SH3TC1: variants seen among roughly 807,000 people sequenced by gnomAD.
The protein encoded by SH3TC1 is SH3 domain and tetratricopeptide repeats 1.
Under a neutral mutation model 117.3 loss-of-function variants are expected in SH3TC1, and 135 were observed. The observed-to-expected ratio is 1.15, with a 90% CI of 1.00 to 1.33. The LOEUF (loss-of-function observed/expected upper bound fraction) is 1.33. Among genes scored for constraint, SH3TC1 ranks in the 40% most tolerant of loss-of-function variants. The pLI is 0.00. For missense variants in SH3TC1, 2,092 were observed against 1,794.3 expected, an observed-to-expected ratio of 1.17 and a Z score of -3.00; for synonymous variants, 898 against 816.9, an observed-to-expected ratio of 1.10 and a Z score of -1.69.
chr4:8,237,485 A>C lies in SH3TC1; in HGVS notation c.3568A>C (p.Asn1190His). The C allele has an allele frequency of 6.3e-7, 1 of 1,583,818 alleles. No individual in the cohort carries two copies. The highest frequency in any genetic ancestry group is 8.6e-7 in the Non-Finnish European group (1 of 1,166,130). Residue 1190 changes from asparagine (N) to histidine (H), a missense_variant, in exon 17 of 18, where the codon AAC becomes CAC. Coordinates refer to ENST00000245105, the MANE Select transcript of SH3TC1 (RefSeq NM_018986.5). ...ALSITLGDRL[N>H]ERVAYHRLAA... The stretch of plus-strand genomic sequence containing the variant: ...GGCCTGCACCCCAGGGGACCGGCTG[A>C]ACGAGCGCGTGGCCTACCACCGGCT...
intron 14 of SH3TC1, among the ~76,000 whole-genome samples, chr4:8,235,190 G>A (rs2152997182): frequency 6.6e-6 from 1 of 152,342 alleles, no homozygotes; most frequent in Non-Finnish European, 1.5e-5. Flanking sequence ...TAGCCCTGGT[G>A]GCAGGATTCA....
At position 8,240,896 on chromosome 4, in the gene SH3TC1, C is replaced by G; in HGVS notation, c.3952C>G (p.Leu1318Val). The change falls in exon 18 of 18, where the codon CTG (leucine) becomes GTG (valine). Residue 1318 changes from leucine to valine, a missense_variant. Coordinates refer to ENST00000245105, the MANE Select transcript of SH3TC1 (RefSeq NM_018986.5). ...ATELNVRRVN[L>V]PPLPLCGWAP... ...AGAGCTCAACGTCCGCAGGGTCAAC[C>G]TGCCTCCTCTGCCACTCTGCGGGTG... is the stretch of plus-strand genomic sequence containing the variant. 2 of 1,612,998 alleles carry G rather than the reference C, an allele frequency of 1.2e-6. No homozygotes were observed. The highest frequency in any genetic ancestry group is 1.7e-6 in the Non-Finnish European group (2 of 1,180,006).
chr4:8,237,386 C>G (rs935288133), intron 16 of SH3TC1, 88 bp from the exon 17 acceptor site: 1 of 1,196,516 alleles, frequency 8.4e-7, no homozygotes, highest in Non-Finnish European at 1.1e-6. Flanking sequence ...GACCGCAGTG[C>G]CTGGAGGCGA....
rs562926610 is a variant in SH3TC1 at position 8,232,739 on chromosome 4, C to T, written c.3131+583C>T. 1.0e-4 allele frequency: 132 copies of T among 1,289,848 alleles called. No homozygotes were observed. In the African/African-American group the frequency reaches 1.3e-3, roughly 13 times the overall value. 79.9% of individuals were successfully genotyped at this position (1,289,848 alleles called of 1,614,324 possible). A position where few individuals can be genotyped will look rare whatever the true frequency, so the allele number is the denominator to read the frequency against. Reference sequence around the variant, plus strand: ...TGACATTGCTGCACTCACACCCCTTCGACTCACCAAGAGAGCAGGGAAGGA... The same window carrying T: ...TGACATTGCTGCACTCACACCCCTTTGACTCACCAAGAGAGCAGGGAAGGA... On this transcript the variant is annotated intron_variant, in intron 13 of 17. Coordinates refer to ENST00000245105, the MANE Select transcript of SH3TC1 (RefSeq NM_018986.5).
In SH3TC1 at chr4:8,240,917, G is replaced by A. The variant is rs753523688; in HGVS notation, c.3973G>A (p.Gly1325Arg). 5.3e-5 allele frequency: 86 copies of A among 1,612,406 alleles called. 1 individual carries two copies. The African/African-American group carries it at 5.3e-4, about 10-fold the overall frequency. The stretch of plus-strand genomic sequence containing the variant: ...CAACCTGCCTCCTCTGCCACTCTGC[G>A]GGTGGGCCCCCTGGTTGGCCCCCAG... ...RVNLPPLPLC[G>R]WAPWLAPSHP... is the part of the protein sequence containing the mutation. The change falls in exon 18 of 18, where the codon GGG becomes AGG. Residue 1325 changes from glycine to arginine, a missense_variant. Physicochemically the swap from Gly to Arg is moderately radical, Grantham distance 125. Coordinates refer to ENST00000245105, the MANE Select transcript of SH3TC1 (RefSeq NM_018986.5).
intron 13 of SH3TC1, chr4:8,232,488 G>A (rs1257295247): frequency 7.0e-7 from 1 of 1,421,552 alleles, no homozygotes; most frequent in Admixed American, 1.8e-5. Flanking sequence ...TCTGACCTCT[G>A]CCTGCCCCGA....
chr4:8,218,230 T>C, intron 7 of SH3TC1, 41 bp from the exon 8 acceptor site: 1 of 1,548,404 alleles, frequency 6.5e-7, no homozygotes, highest in Non-Finnish European at 8.9e-7. Flanking sequence ...CTGCCCCAAA[T>C]CTGAAATCCC....
In SH3TC1 at chr4:8,190,656, T is replaced by G. The variant is rs547907795; in HGVS notation, c.-57+8446T>G. Among the ~76,000 whole-genome samples, 1 of 151,936 alleles carries G rather than the reference T, an allele frequency of 6.6e-6. No individual in the cohort carries two copies. The highest frequency in any genetic ancestry group is 2.1e-4 in the South Asian group (1 of 4,806). On this transcript the variant is annotated intron_variant, in intron 1 of 16. Transcript: ENST00000508641. The surrounding 1 kb of genome is among the most constrained non-coding windows in gnomAD (Gnocchi z 4.7). ...CCTCTTCTGGCTCTGTGATCTTTTT[T>G]TGGAGACAGAGCCTGGCTCTGTCGC... is the stretch of plus-strand genomic sequence containing the variant.
rs1717381525 is a variant in SH3TC1, at chr4:8,190,437, T to C, written c.-57+8227T>C. 6.6e-6 allele frequency among the ~76,000 whole-genome samples: 1 copy of C among 151,940 alleles called. No homozygotes were observed. Among genetic ancestry groups the C allele is most frequent in the Admixed American group, 6.6e-5 (1 of 15,266 alleles). Reference sequence around the variant, plus strand: ...TCAGGAAAGTTGGGGCTCTGAGGAGTTCGGGCCTATGGGATTGGAGGTCCT... The same window carrying C: ...TCAGGAAAGTTGGGGCTCTGAGGAGCTCGGGCCTATGGGATTGGAGGTCCT... On this transcript the variant is annotated intron_variant, in intron 1 of 16. Transcript: ENST00000508641. The surrounding 1 kb of genome is among the most constrained non-coding windows in gnomAD (Gnocchi z 4.7).
intron 17 of SH3TC1, among the ~76,000 whole-genome samples, chr4:8,238,645 G>A (rs563430693): frequency 1.2e-4 from 18 of 152,226 alleles, no homozygotes; most frequent in African/African-American, 3.4e-4. Flanking sequence ...GTGGTCAGAA[G>A]CGGTCCCTGT....
At chr4:8,188,206 A>C (rs1717289470) in intron 1 of SH3TC1, among the ~76,000 whole-genome samples, 2 of 151,430 alleles carry the variant, frequency 1.3e-5, no homozygotes, top group African/African-American at 4.9e-5. Flanking sequence ...CCCTTTCCCA[A>C]CCCCTCTGCA....
intron 3 of SH3TC1, among the ~76,000 whole-genome samples, chr4:8,211,855 C>T (rs958491567): frequency 1.3e-5 from 2 of 152,192 alleles, no homozygotes; most frequent in Middle Eastern, 3.4e-3. Context: ...CCCACCCCTG[C>T]GGAAGATTCC....
chr4:8,228,564 C>A lies in SH3TC1; in HGVS notation c.2870C>A (p.Thr957Asn), dbSNP rs767214728. Residue 957 changes from threonine to asparagine, a missense_variant, in exon 12 of 18, where the codon ACC becomes AAC. Transcript: ENST00000245105. ...HVLLQLGHLC[T>N]RQGPAQQGKG... ...CTCCTGCAGCTGGGCCATCTCTGCA[C>A]CCGCCAGGGCCCGGCCCAGCAGGGC... 1.3e-5 allele frequency: 21 copies of A among 1,598,936 alleles called. No homozygotes were observed. The Middle Eastern group carries it at 5.2e-4, about 39-fold the overall frequency.
intron 6 of SH3TC1, 100 bp from the exon 7 acceptor site, chr4:8,216,857 G>A: frequency 8.1e-7 from 1 of 1,235,352 alleles, no homozygotes; most frequent in South Asian, 1.2e-5. Context: ...CCGCTCCTGT[G>A]GGTGTTGCCT....
chr4:8,219,445 C>A lies in SH3TC1; in HGVS notation c.1027C>A (p.Pro343Thr), dbSNP rs558043769. The change falls in exon 9 of 18, where the codon CCC becomes ACC. Residue 343 changes from proline to threonine, a missense_variant. Coordinates refer to ENST00000245105, the MANE Select transcript of SH3TC1 (RefSeq NM_018986.5). Reference sequence around the variant, plus strand: ...CCTTGGGGCGCAGGTGCCCAGCCTGCCCTGGTGCGTGGGCCGACACGCAGC... The same window carrying A: ...CCTTGGGGCGCAGGTGCCCAGCCTGACCTGGTGCGTGGGCCGACACGCAGC... ...EILGAQVPSL[P>T]WCVGRHAASG... The A allele has an allele frequency of 4.3e-6, 7 of 1,610,620 alleles. No individual in the cohort carries two copies. In the African/African-American group the frequency reaches 9.3e-5, roughly 21 times the overall value.
In SH3TC1 at chr4:8,229,695, G is replaced by A. The variant is rs1017804932; in HGVS notation, c.2950+1051G>A. ...CCCTAAGGGCACTGGGGAGCCATCT[G>A]CCCAAGGAGGAGTGGGGGGGTTCAG... On this transcript the variant is annotated intron_variant, in intron 12 of 17. Coordinates refer to ENST00000245105, the MANE Select transcript of SH3TC1 (RefSeq NM_018986.5). Among the ~76,000 whole-genome samples the A allele has an allele frequency of 3.9e-5, 6 of 151,946 alleles. No individual in the cohort carries two copies. The South Asian group carries it at 6.2e-4, about 16-fold the overall frequency.
intron 17 of SH3TC1, among the ~76,000 whole-genome samples, chr4:8,238,118 G>A (rs1408903078): frequency 1.3e-5 from 2 of 152,192 alleles, no homozygotes; most frequent in Non-Finnish European, 2.9e-5. Flanking sequence ...CTGCTAGGAA[G>A]CCTGCCAGGG....
At chr4:8,218,952 G>T (rs1408642435) in intron 8 of SH3TC1, among the ~76,000 whole-genome samples, 1 of 152,056 alleles carries the variant, frequency 6.6e-6, no homozygotes, top group Non-Finnish European at 1.5e-5. Context: ...TGTCAGAGCT[G>T]CCGGTGTCTG....
chr4:8,189,355 C>T (rs760665737), intron 1 of SH3TC1, among the ~76,000 whole-genome samples: 11 of 152,248 alleles, frequency 7.2e-5, no homozygotes, highest in Non-Finnish European at 1.5e-4. Flanking sequence ...CCAGGAGGGG[C>T]GGAGCATGCT....
Sources: allele counts gnomAD v4.1 joint callset (sites outside exome capture counted in the v4.1 genomes callset), GRCh38; gene constraint gnomAD v4.1.1; non-coding constraint Gnocchi (gnomAD v3.1); transcripts MANE v1.5; gene names NCBI Gene and HGNC (gene_info 2026-07-23, HGNC 2026-07-21).